The following IFT74 variants were observed in gnomAD, a reference collection of about 807,000 sequenced individuals.
The protein encoded by IFT74 is intraflagellar transport protein 74 homolog.
In IFT74, 92 loss-of-function variants were observed where a neutral mutation model predicts 96.7. That is an observed-to-expected ratio of 0.95 (90% CI 0.80 to 1.13). The LOEUF is 1.13. IFT74 is among the 50% of genes most tolerant of loss of function. The probability of loss-of-function intolerance (pLI) is 0.00; values close to 1 mark genes in which losing one functional copy is unlikely to be tolerated. For missense variants in IFT74, 811 were observed against 698.2 expected (o/e 1.16, Z -1.82); for synonymous variants, 223 against 213.2 (o/e 1.05, Z -0.40).
At position 27,006,628 on chromosome 9, in the gene IFT74, A is replaced by C. The variant is rs540316079; in HGVS notation, c.588-2392A>C. The stretch of plus-strand genomic sequence containing the variant: ...GACAGAAAGAGGGAGAGGGAAAGAG[A>C]GAGAGAGAGAGAAGAGAAGAGAGAG... On this transcript the variant is annotated intron_variant, in intron 8 of 19. Coordinates refer to ENST00000380062, the MANE Select transcript of IFT74 (RefSeq NM_025103.4). Among the ~76,000 whole-genome samples, 8 of 135,354 alleles carry C rather than the reference A, an allele frequency of 5.9e-5. No homozygotes were observed. In the South Asian group the frequency reaches 2.1e-3, roughly 36 times the overall value. 88.8% of individuals were successfully genotyped at this position (135,354 alleles called of 152,430 possible).
intron 8 of IFT74, 99 bp downstream of exon 8, chr9:26,990,294 T>C (rs1827808232): frequency 1.8e-6 from 1 of 546,438 alleles, no homozygotes; most frequent in Admixed American, 3.7e-5. Context: ...CTTAACAATT[T>C]CCCCATTGCC....
chr9:26,988,511 A>G (rs1458159390), intron 6 of IFT74, among the ~76,000 whole-genome samples, 158 bp from the exon 7 acceptor site: 2 of 152,224 alleles, frequency 1.3e-5, no homozygotes, highest in Non-Finnish European at 2.9e-5. Flanking sequence ...TAGGTAGCTC[A>G]ATATTTGTTT....
At chr9:27,061,333 C>T (rs1820414267) in intron 19 of IFT74, among the ~76,000 whole-genome samples, 1 of 152,170 alleles carries the variant, frequency 6.6e-6, no homozygotes, top group Non-Finnish European at 1.5e-5. Flanking sequence ...ACAAACTGGA[C>T]AATTTAATCT....
Position 26,997,330 on chromosome 9 carries a change from C to CTTT in IFT74, c.587+7154_587+7156dup, listed in dbSNP as rs773530183. Among the ~76,000 whole-genome samples the CTTT allele has an allele frequency of 4.1e-4, 51 of 123,596 alleles. 1 individual carries two copies. The highest frequency in any genetic ancestry group is 2.6e-3 in the East Asian group (9 of 3,450). The allele number at this position is 123,596 out of a possible 152,430, so 81.1% of individuals were successfully genotyped here. On this transcript the variant is annotated intron_variant, in intron 8 of 19. Transcript: ENST00000380062. Reference sequence around the variant, plus strand: ...GCTTAAACAGAAATTGTTTCCTTTCCTTTTTTTTTTTTTTTTTTTTTGAGA... The same window carrying CTTT: ...GCTTAAACAGAAATTGTTTCCTTTCCTTTTTTTTTTTTTTTTTTTTTTTTGAGA...
At chr9:26,969,518 C>T (rs1372609214) in intron 2 of IFT74, among the ~76,000 whole-genome samples, 1 of 151,772 alleles carries the variant, frequency 6.6e-6, no homozygotes, top group African/African-American at 2.4e-5. Flanking sequence ...TTTTTAAAAT[C>T]TTCTGCTAAT....
rs1405605629 is a variant in IFT74, at chr9:27,009,073, C to T, written c.641C>T (p.Ala214Val). Residue 214 changes from alanine to valine, a missense_variant, in exon 9 of 20, where the codon GCA becomes GTA. Coordinates refer to ENST00000380062, the MANE Select transcript of IFT74 (RefSeq NM_025103.4). The stretch of plus-strand genomic sequence containing the variant: ...GAAGAAATTGAACAGGAAAAACAAG[C>T]AACAGATGACATTATCAAAAATATG... ...VEEEIEQEKQ[A>V]TDDIIKNMSF... The T allele has an allele frequency of 2.5e-6, 4 of 1,612,406 alleles. No individual in the cohort carries two copies. The East Asian group carries it at 8.9e-5, about 36-fold the overall frequency.
chr9:26,978,826 TTAATC>T (rs1441961381), intron 3 of IFT74, among the ~76,000 whole-genome samples: 1 of 152,192 alleles, frequency 6.6e-6, no homozygotes, highest in Non-Finnish European at 1.5e-5. Flanking sequence ...CTCATTTATA[TTAATC>T]TAATTTCCTA....
intron 8 of IFT74, among the ~76,000 whole-genome samples, chr9:27,006,837 T>G (rs1354344233): frequency 3.8e-5 from 5 of 131,550 alleles, no homozygotes; most frequent in Admixed American, 7.6e-5. Flanking sequence ...GTGTGTTTTT[T>G]TTTTTTTTTT....
At chr9:27,044,100 C>A (rs1322397191) in intron 13 of IFT74, among the ~76,000 whole-genome samples, 1 of 152,182 alleles carries the variant, frequency 6.6e-6, no homozygotes, top group Admixed American at 6.5e-5. Flanking sequence ...TTCTCTGCCT[C>A]GGCCATACCA....
Position 27,064,998 on chromosome 9 carries a change from G to A in IFT74, c.*2262G>A, listed in dbSNP as rs1820565893. The stretch of plus-strand genomic sequence containing the variant: ...TACTTTAACTGACAGAAAGGATGTA[G>A]TAAAAACTCTTAAGTCCTTGACTCT... On this transcript the variant is annotated 3_prime_UTR_variant, in exon 20 of 20. Transcript: ENST00000380062. Among the ~76,000 whole-genome samples, 1 of 152,098 alleles carries A rather than the reference G, an allele frequency of 6.6e-6. No individual in the cohort carries two copies. Among genetic ancestry groups the A allele is most frequent in the Admixed American group, 6.6e-5 (1 of 15,264 alleles).
chr9:27,020,539 A>G (rs773476545), intron 12 of IFT74, among the ~76,000 whole-genome samples: 7 of 150,098 alleles, frequency 4.7e-5, no homozygotes, highest in Middle Eastern at 3.2e-3. Context: ...CAGCAGCCCA[A>G]TCTCGGCTCA....
intron 12 of IFT74, among the ~76,000 whole-genome samples, chr9:27,019,852 G>C (rs10967666): frequency 0.096 from 14,576 of 151,762 alleles, 1,782 homozygotes; most frequent in East Asian, 0.67. Context: ...CTACCAGACT[G>C]TTTTCCAAAA....
At chr9:27,026,307 A>T (rs1829857006) in intron 12 of IFT74, among the ~76,000 whole-genome samples, 1 of 152,188 alleles carries the variant, frequency 6.6e-6, no homozygotes, top group African/African-American at 2.4e-5. Flanking sequence ...TATGCACCTA[A>T]CACTAGAGCT....
At chr9:27,025,443 CAAAAA>C (rs57335230) in intron 12 of IFT74, among the ~76,000 whole-genome samples, 1 of 77,722 alleles carries the variant, frequency 1.3e-5, no homozygotes, top group Non-Finnish European at 2.5e-5. Context: ...ACTCCATCTC[CAAAAA>C]AAAAAAAAAA....
At chr9:27,006,114 G>T (rs951362163) in intron 8 of IFT74, among the ~76,000 whole-genome samples, 1 of 152,054 alleles carries the variant, frequency 6.6e-6, no homozygotes, top group Admixed American at 6.6e-5. Flanking sequence ...AAAGTGCTGG[G>T]ATTACAAGTG....
intron 1 of IFT74, among the ~76,000 whole-genome samples, chr9:26,958,608 A>G (rs1826220675): frequency 6.6e-6 from 1 of 152,162 alleles, no homozygotes; most frequent in Non-Finnish European, 1.5e-5. Context: ...TAAATTTCTT[A>G]CTTGTGTGAC....
At chr9:27,055,509 A>T (rs187041584) in intron 16 of IFT74, 100 bp from the exon 17 acceptor site, 1 of 779,278 alleles carries the variant, frequency 1.3e-6, no homozygotes, top group Admixed American at 3.7e-5. Flanking sequence ...TCTTTTACAG[A>T]TATTCTTAAA....
chr9:27,043,598 T>G (rs1436742966), intron 13 of IFT74, among the ~76,000 whole-genome samples: 2 of 152,246 alleles, frequency 1.3e-5, no homozygotes, highest in Non-Finnish European at 2.9e-5. Flanking sequence ...CTTGGATTTT[T>G]GTCTCTTTAG....
rs151127288 is a variant in IFT74 at position 27,065,494 on chromosome 9, G to C, written c.*2758G>C. Among the ~76,000 whole-genome samples, 582 of 152,296 alleles carry C rather than the reference G, an allele frequency of 3.8e-3. 3 individuals carry two copies. Among genetic ancestry groups the C allele is most frequent in the African/African-American group, 0.013 (524 of 41,578 alleles). ...AGTGAAGATCAACATGGGAAAGTTA[G>C]CAAGTCTTTGTTTTTCCCATCCTTA... On this transcript the variant is annotated 3_prime_UTR_variant, in exon 20 of 20. Coordinates refer to ENST00000380062, the MANE Select transcript of IFT74 (RefSeq NM_025103.4).
Sources: allele counts gnomAD v4.1 joint callset (sites outside exome capture counted in the v4.1 genomes callset), GRCh38; gene constraint gnomAD v4.1.1; transcripts MANE v1.5; gene names NCBI Gene and HGNC (gene_info 2026-07-23, HGNC 2026-07-21).